Variants in LGSN observed in about 807,000 individuals in gnomAD.
The protein encoded by LGSN is lengsin.
Under a neutral mutation model 19.5 loss-of-function variants are expected in LGSN, and 21 were observed. The ratio of observed to expected loss-of-function variants is 1.07; its 90% CI spans 0.76 to 1.55. The LOEUF is 1.55. Ranked by LOEUF, LGSN falls within the 40% of genes most tolerant of loss-of-function variation. The pLI, the probability that LGSN is intolerant of heterozygous loss-of-function variation, is 0.00. For missense variants in LGSN, 673 were observed against 608.5 expected (o/e 1.11, Z -1.12); for synonymous variants, 257 against 215.6 (o/e 1.19, Z -1.68).
the LGSN span, among the ~76,000 whole-genome samples, chr6:63,404,623 A>G: frequency 1.3e-5 from 2 of 152,020 alleles, no homozygotes; most frequent in African/African-American, 2.4e-5. Context: ...AAAAGAGTCA[A>G]ACAAGCTCTC....
chr6:63,520,251 A>C, the LGSN span, among the ~76,000 whole-genome samples: 3 of 152,186 alleles, frequency 2.0e-5, no homozygotes, highest in African/African-American at 7.2e-5. Flanking sequence ...CTTATCTTTA[A>C]ATGTTGTGAT....
chr6:63,550,429 G>A, the LGSN span: 2 of 152,032 alleles, frequency 1.3e-5, no homozygotes, highest in African/African-American at 2.4e-5. Context: ...TGAGGGTGAA[G>A]CTACAAAAAT....
At chr6:63,466,917 A>C in the LGSN span, among the ~76,000 whole-genome samples, 2 of 152,210 alleles carry the variant, frequency 1.3e-5, no homozygotes, top group African/African-American at 4.8e-5. Context: ...TGGGTTTCAT[A>C]TATACATACA....
chr6:63,308,085 G>A (rs191534974), intron 1 of LGSN, among the ~76,000 whole-genome samples: 5 of 152,314 alleles, frequency 3.3e-5, no homozygotes, highest in East Asian at 3.9e-4. Flanking sequence ...AATCATGAGC[G>A]TAAGTACAGA....
At chr6:63,402,829 C>A in the LGSN span, among the ~76,000 whole-genome samples, 1 of 151,410 alleles carries the variant, frequency 6.6e-6, no homozygotes, top group Non-Finnish European at 1.5e-5. Flanking sequence ...AATAAGTAGA[C>A]TTTTGATAAA....
chr6:63,423,871 C>G, the LGSN span, among the ~76,000 whole-genome samples: 1 of 152,018 alleles, frequency 6.6e-6, no homozygotes. Context: ...AACCCCATCT[C>G]TACTAAAAAT....
At chr6:63,483,590 T>C in the LGSN span, among the ~76,000 whole-genome samples, 1 of 152,066 alleles carries the variant, frequency 6.6e-6, no homozygotes, top group African/African-American at 2.4e-5. Flanking sequence ...ATTACAGGCA[T>C]GAGCAACTGT....
chr6:63,362,765 T>G, the LGSN span, among the ~76,000 whole-genome samples: 1 of 152,128 alleles, frequency 6.6e-6, no homozygotes, highest in Non-Finnish European at 1.5e-5. Context: ...ACTCCACCTC[T>G]GGGGGCAGGG....
the LGSN span, among the ~76,000 whole-genome samples, chr6:63,334,536 C>T: frequency 6.6e-6 from 1 of 152,234 alleles, no homozygotes. Flanking sequence ...CCACACTGCC[C>T]AAAGCAATCT....
At chr6:63,313,005 G>T (rs1562019265) in intron 1 of LGSN, among the ~76,000 whole-genome samples, 1 of 152,074 alleles carries the variant, frequency 6.6e-6, no homozygotes, top group Non-Finnish European at 1.5e-5. Flanking sequence ...GACCATAAGG[G>T]TCAAAATGTA....
chr6:63,530,611 G>T, the LGSN span, among the ~76,000 whole-genome samples: 70,815 of 151,760 alleles, frequency 0.47, 16,811 homozygotes, highest in African/African-American at 0.53. Flanking sequence ...TAAATCACTA[G>T]GGTCATAGGG....
the LGSN span, among the ~76,000 whole-genome samples, chr6:63,500,728 AT>A: frequency 9.3e-5 from 13 of 140,020 alleles, no homozygotes; most frequent in South Asian, 2.3e-4. Flanking sequence ...GCAATTAGTT[AT>A]TTTTTTTTTC....
At chr6:63,483,225 T>C in the LGSN span, among the ~76,000 whole-genome samples, 1 of 152,230 alleles carries the variant, frequency 6.6e-6, no homozygotes, top group Admixed American at 6.5e-5. Flanking sequence ...CTCTAAAATG[T>C]AACCAAAGGT....
chr6:63,549,382 T>C, the LGSN span: 1 of 753,710 alleles, frequency 1.3e-6, no homozygotes, highest in South Asian at 1.4e-5. Context: ...CTGAATGTCC[T>C]GTCCAATGTC....
At chr6:63,521,488 TACATAAACAAC>T in the LGSN span, among the ~76,000 whole-genome samples, 1 of 151,992 alleles carries the variant, frequency 6.6e-6, no homozygotes, top group African/African-American at 2.4e-5. Context: ...AAACAGAAAA[TACATAAACAAC>T]ACATGTAAAG....
the LGSN span, among the ~76,000 whole-genome samples, chr6:63,508,285 CT>C: frequency 2.2e-4 from 33 of 152,260 alleles, no homozygotes; most frequent in Middle Eastern, 3.4e-3. Context: ...TTCCTAAAAA[CT>C]GGTTATAGAG....
chr6:63,504,891 AG>A, the LGSN span, among the ~76,000 whole-genome samples: 1 of 152,216 alleles, frequency 6.6e-6, no homozygotes, highest in East Asian at 1.9e-4. Flanking sequence ...TGGTTCTTTA[AG>A]AATTTTCTCC....
At chr6:63,514,819 G>A in the LGSN span, among the ~76,000 whole-genome samples, 1 of 152,030 alleles carries the variant, frequency 6.6e-6, no homozygotes, top group African/African-American at 2.4e-5. Context: ...TCCCACTTCA[G>A]CCTTCCTAGT....
the LGSN span, among the ~76,000 whole-genome samples, chr6:63,534,708 G>A: frequency 3.3e-5 from 5 of 150,778 alleles, no homozygotes; most frequent in Admixed American, 6.6e-5. Context: ...AGCACTTTGG[G>A]AGGCTGAGGC....
Sources: gnomAD v4.1 joint callset for allele counts (sites outside exome capture counted in the v4.1 genomes callset) on GRCh38, gnomAD v4.1.1 for gene constraint, MANE v1.5 for transcripts, NCBI Gene and HGNC (gene_info 2026-07-23, HGNC 2026-07-21) for gene names.